Variants in MARCHF3 observed in about 807,000 individuals in gnomAD.
MARCHF3 encodes E3 ubiquitin-protein ligase MARCHF3.
In MARCHF3, 13 loss-of-function variants were observed where a neutral mutation model predicts 24.2. The observed-to-expected ratio is 0.54, with a 90% CI of 0.35 to 0.85. The LOEUF (loss-of-function observed/expected upper bound fraction) is 0.85, where lower values mean the gene tolerates loss of function less well. MARCHF3 is among the 40% of genes least tolerant of loss of function. The pLI is 0.01. For synonymous variants in MARCHF3, 144 were observed against 137.3 expected (o/e 1.05, Z -0.34); for missense variants, 276 against 325.0 (o/e 0.85, Z 1.16).
At chr5:126,909,498 C>A (rs951309267) in intron 3 of MARCHF3, among the ~76,000 whole-genome samples, 2 of 152,262 alleles carry the variant, frequency 1.3e-5, no homozygotes, top group African/African-American at 4.8e-5. Context: ...ACCCTCCGAG[C>A]CACGCACAGG....
At chr5:126,901,579 A>C (rs1459607545) in intron 3 of MARCHF3, among the ~76,000 whole-genome samples, 1 of 152,146 alleles carries the variant, frequency 6.6e-6, no homozygotes. Flanking sequence ...TGTTCTCAAT[A>C]TTTCACACAT....
intron 1 of MARCHF3, among the ~76,000 whole-genome samples, chr5:126,992,434 A>T (rs1580714537): frequency 6.6e-6 from 1 of 152,232 alleles, no homozygotes; most frequent in Admixed American, 6.5e-5. Context: ...ATTACCCTGA[A>T]GCAAAATCAG....
Position 126,936,217 on chromosome 5 carries a change from T to C in MARCHF3, c.-56-17990A>G, listed in dbSNP as rs1320439093. 5.3e-5 allele frequency among the ~76,000 whole-genome samples: 8 copies of C among 152,184 alleles called. No individual in the cohort carries two copies. In the East Asian group the frequency reaches 1.3e-3, roughly 26 times the overall value. On this transcript the variant is annotated intron_variant, in intron 1 of 4. Coordinates refer to ENST00000308660, the MANE Select transcript of MARCHF3 (RefSeq NM_178450.5). ...TGTGCTTTTCCTTTTAGAAACTGAT[T>C]TTTAGGACATAATGTTTGAGCCTTT...
intron 1 of MARCHF3, among the ~76,000 whole-genome samples, chr5:126,942,197 A>C (rs1749851897): frequency 6.6e-6 from 1 of 152,218 alleles, no homozygotes; most frequent in Admixed American, 6.5e-5. Context: ...TTACTGATTA[A>C]ATCTTAACTT....
chr5:126,884,712 C>T (rs1479468777), intron 3 of MARCHF3, among the ~76,000 whole-genome samples: 1 of 152,212 alleles, frequency 6.6e-6, no homozygotes, highest in African/African-American at 2.4e-5. Flanking sequence ...CTGCAACATA[C>T]ACCTGGAATC....
At chr5:126,902,644 G>A (rs1312522956) in intron 3 of MARCHF3, among the ~76,000 whole-genome samples, 2 of 152,096 alleles carry the variant, frequency 1.3e-5, no homozygotes, top group Non-Finnish European at 2.9e-5. Flanking sequence ...TGAACACTTC[G>A]GTTGGTGGTT....
chr5:126,992,015 G>A (rs960408207), intron 1 of MARCHF3, among the ~76,000 whole-genome samples: 8 of 152,144 alleles, frequency 5.3e-5, no homozygotes, highest in African/African-American at 1.7e-4. Context: ...TAGCAGCTCT[G>A]GGAAAACAAT....
At chr5:126,878,163 C>A in intron 4 of MARCHF3, 22 bp downstream of exon 4, 1 of 1,611,008 alleles carries the variant, frequency 6.2e-7, no homozygotes, top group Middle Eastern at 1.7e-4. Flanking sequence ...TGGCCTGAAC[C>A]CCAGCCACGG....
intron 1 of MARCHF3, among the ~76,000 whole-genome samples, chr5:126,973,979 G>A (rs1204025066): frequency 1.4e-5 from 2 of 140,392 alleles, no homozygotes; most frequent in Non-Finnish European, 3.0e-5. Flanking sequence ...CTCACTGCAA[G>A]CTCCACTTCC....
intron 1 of MARCHF3, among the ~76,000 whole-genome samples, chr5:126,933,205 AT>A (rs1329221011): frequency 6.6e-6 from 1 of 152,326 alleles, no homozygotes; most frequent in East Asian, 1.9e-4. Flanking sequence ...CTGTATCATG[AT>A]TTTTATTAAG....
intron 3 of MARCHF3, chr5:126,898,745 A>G: frequency 3.7e-6 from 2 of 542,252 alleles, no homozygotes; most frequent in Non-Finnish European, 4.7e-6. Flanking sequence ...CCAGCATTTC[A>G]TATAAGTTAT....
chr5:126,971,547 C>G (rs1457878718), intron 1 of MARCHF3, among the ~76,000 whole-genome samples: 2 of 152,056 alleles, frequency 1.3e-5, no homozygotes, highest in Non-Finnish European at 2.9e-5. Flanking sequence ...AAGCTGTGCT[C>G]TAACTTCATT....
intron 3 of MARCHF3, among the ~76,000 whole-genome samples, chr5:126,881,214 C>T (rs1015499398): frequency 2.0e-5 from 3 of 151,958 alleles, no homozygotes; most frequent in Non-Finnish European, 4.4e-5. Context: ...TTGGGGGGTT[C>T]GGCTTACTCT....
chr5:126,877,501 G>A (rs952116583), intron 4 of MARCHF3, among the ~76,000 whole-genome samples: 1 of 152,136 alleles, frequency 6.6e-6, no homozygotes, highest in Non-Finnish European at 1.5e-5. Flanking sequence ...GTACTCAAGC[G>A]ATCAACTTAC....
At chr5:127,004,292 G>A (rs1752235974) in intron 1 of MARCHF3, among the ~76,000 whole-genome samples, 1 of 152,102 alleles carries the variant, frequency 6.6e-6, no homozygotes, top group Non-Finnish European at 1.5e-5. Flanking sequence ...AGTGGAAATG[G>A]CCCTGACACA....
At chr5:126,927,562 G>C (rs1749336397) in intron 1 of MARCHF3, among the ~76,000 whole-genome samples, 1 of 152,194 alleles carries the variant, frequency 6.6e-6, no homozygotes, top group Admixed American at 6.5e-5. Context: ...TCAGTCCCCT[G>C]CATCTTGGTA....
At chr5:127,010,707 T>G (rs183315859) in intron 1 of MARCHF3, among the ~76,000 whole-genome samples, 1 of 152,186 alleles carries the variant, frequency 6.6e-6, no homozygotes, top group African/African-American at 2.4e-5. Flanking sequence ...AAATACTTTT[T>G]CCACTGAGGA....
chr5:126,928,307 A>C (rs1172783499), intron 1 of MARCHF3, among the ~76,000 whole-genome samples: 1 of 152,250 alleles, frequency 6.6e-6, no homozygotes, highest in Non-Finnish European at 1.5e-5. Flanking sequence ...GCAGATGCTG[A>C]AGAAAGCAAG....
rs1031818303 is a variant in MARCHF3, at chr5:126,961,564, C to A, written c.-56-43337G>T. On this transcript the variant is annotated intron_variant, in intron 1 of 4. Coordinates refer to ENST00000308660, the MANE Select transcript of MARCHF3 (RefSeq NM_178450.5). Reference sequence around the variant, plus strand: ...TGTCCCCTATTCATTTGTGTAACTACAGTACTGAATTTATTTCATTAGTCA... The same window carrying A: ...TGTCCCCTATTCATTTGTGTAACTAAAGTACTGAATTTATTTCATTAGTCA... Among the ~76,000 whole-genome samples, 9 of 152,218 alleles carry A rather than the reference C, an allele frequency of 5.9e-5. No homozygotes were observed. In the East Asian group the frequency reaches 1.7e-3, roughly 29 times the overall value.
Sources: gnomAD v4.1 joint callset for allele counts (sites outside exome capture counted in the v4.1 genomes callset) on GRCh38, gnomAD v4.1.1 for gene constraint, MANE v1.5 for transcripts, NCBI Gene and HGNC (gene_info 2026-07-23, HGNC 2026-07-21) for gene names.